The following RHBDL2 variants were observed in gnomAD, a reference collection of about 807,000 sequenced individuals.
RHBDL2 encodes rhomboid-related protein 2.
A neutral mutation model predicts 31.7 loss-of-function variants in RHBDL2; 26 were observed. That is an observed-to-expected ratio of 0.82 (90% CI 0.60 to 1.14). RHBDL2 has a LOEUF of 1.14. Among genes scored for constraint, RHBDL2 ranks in the 50% most tolerant of loss-of-function variants. The pLI is 0.00. For missense variants in RHBDL2, 336 were observed against 364.4 expected, an observed-to-expected ratio of 0.92 and a Z score of 0.63; for synonymous variants, 123 against 127.2, an observed-to-expected ratio of 0.97 and a Z score of 0.22.
At position 38,920,607 on chromosome 1, in the gene RHBDL2, C is replaced by CTTTTTTTTTTTTTTTTTT. The variant is rs547790628; in HGVS notation, c.-125-1271_-125-1270insAAAAAAAAAAAAAAAAAA. 1.2e-4 allele frequency among the ~76,000 whole-genome samples: 15 copies of CTTTTTTTTTTTTTTTTTT among 129,052 alleles called. No homozygotes were observed. In the East Asian group the frequency reaches 2.8e-3, roughly 24 times the overall value. The allele number at this position is 129,052 out of a possible 152,430, so 84.7% of individuals were successfully genotyped here. ...GTGAACATCCCTGTACAAGTTTTCT[C>CTTTTTTTTTTTTTTTTTT]TTTTTTTTTTTTTTTTTGAGACAGA... On this transcript the variant is annotated intron_variant, in intron 1 of 7. Coordinates refer to ENST00000372990, the MANE Select transcript of RHBDL2 (RefSeq NM_017821.5).
chr1:38,934,717 G>A (rs1424443237), intron 1 of RHBDL2, among the ~76,000 whole-genome samples: 1 of 150,406 alleles, frequency 6.6e-6, no homozygotes. Flanking sequence ...CAGCATTTTG[G>A]GGGGCCGAGG....
intron 1 of RHBDL2, chr1:38,929,455 C>A: frequency 7.8e-7 from 1 of 1,289,468 alleles, no homozygotes; most frequent in South Asian, 1.2e-5. Context: ...ATGACAACTC[C>A]TTTTCCATGG....
intron 4 of RHBDL2, 101 bp downstream of exon 4, chr1:38,911,221 T>C: frequency 1.4e-6 from 1 of 730,984 alleles, no homozygotes; most frequent in Non-Finnish European, 2.4e-6. Context: ...AGGAGTGCAG[T>C]AAACCTTGAC....
intron 3 of RHBDL2, among the ~76,000 whole-genome samples, chr1:38,912,195 T>C (rs1276396738): frequency 6.6e-6 from 1 of 152,098 alleles, no homozygotes; most frequent in Non-Finnish European, 1.5e-5. Context: ...GGCCTCAAAC[T>C]CCTGACCTCA....
chr1:38,893,336 T>C (rs1183655053), intron 5 of RHBDL2, 112 bp from the exon 6 acceptor site: 1 of 561,334 alleles, frequency 1.8e-6, no homozygotes, highest in East Asian at 2.9e-5. Flanking sequence ...GTATCAAATA[T>C]TTGCAAAACA....
rs553750928 is a variant in RHBDL2, at chr1:38,899,476, C to A, written c.509-3407G>T. 4.6e-5 allele frequency among the ~76,000 whole-genome samples: 7 copies of A among 152,286 alleles called. No individual in the cohort carries two copies. The East Asian group carries it at 9.7e-4, about 21-fold the overall frequency. On this transcript the variant is annotated intron_variant, in intron 4 of 7. Coordinates refer to ENST00000372990, the MANE Select transcript of RHBDL2 (RefSeq NM_017821.5). ...GGTGTTTGGTGAGCCCAAGAGTGCT[C>A]AGCCTTCACTGTCCTCCCTAACAGG...
Position 38,886,497 on chromosome 1 carries a change from G to T in RHBDL2, c.*7C>A. On this transcript the variant is annotated 3_prime_UTR_variant, in exon 8 of 8. Transcript: ENST00000372990. ...CTTTTTATTAATTGACTTACAATAG[G>T]GGCAGGTCAGTTTGCTGGAGATAGG... 3 of 1,549,748 alleles carry T rather than the reference G, an allele frequency of 1.9e-6. No homozygotes were observed. The highest frequency in any genetic ancestry group is 2.4e-5 in the South Asian group (2 of 81,886).
intron 5 of RHBDL2, among the ~76,000 whole-genome samples, chr1:38,893,791 T>G (rs1159309242): frequency 1.6e-4 from 25 of 151,888 alleles, no homozygotes; most frequent in Admixed American, 1.4e-3. Flanking sequence ...CAAGTTGGAG[T>G]GCAGTGGTGC....
chr1:38,896,931 T>G (rs1053188387), intron 4 of RHBDL2, among the ~76,000 whole-genome samples: 1 of 152,148 alleles, frequency 6.6e-6, no homozygotes, highest in African/African-American at 2.4e-5. Context: ...CTCAGTAATT[T>G]TACAAAGAGA....
chr1:38,915,745 C>T (rs1488488758), intron 2 of RHBDL2, 35 bp from the exon 3 acceptor site: 2 of 1,611,800 alleles, frequency 1.2e-6, no homozygotes, highest in African/African-American at 2.7e-5. Context: ...ATTAACCACA[C>T]CTTCTCCAGA....
intron 1 of RHBDL2, among the ~76,000 whole-genome samples, chr1:38,922,772 A>G (rs1643330655): frequency 6.6e-6 from 1 of 151,604 alleles, no homozygotes; most frequent in East Asian, 1.9e-4. Context: ...TTCTGAGGAA[A>G]TATTACCTAT....
At chr1:38,896,393 A>G (rs2124306977) in intron 4 of RHBDL2, among the ~76,000 whole-genome samples, 1 of 152,330 alleles carries the variant, frequency 6.6e-6, no homozygotes, top group South Asian at 2.1e-4. Flanking sequence ...AAATGGGGCT[A>G]TTAATAGAAC....
At chr1:38,920,207 A>G (rs1302660107) in intron 1 of RHBDL2, among the ~76,000 whole-genome samples, 1 of 116,114 alleles carries the variant, frequency 8.6e-6, no homozygotes, top group African/African-American at 3.5e-5. Flanking sequence ...TCGCTCTGTC[A>G]CCCAGGCTGG....
intron 2 of RHBDL2, among the ~76,000 whole-genome samples, chr1:38,916,718 A>T (rs1004335994): frequency 1.5e-4 from 23 of 151,692 alleles, no homozygotes; most frequent in African/African-American, 5.6e-4. Context: ...AACAAAAAAA[A>T]AAACTAGCCA....
At chr1:38,923,622 G>A (rs1374453834) in intron 1 of RHBDL2, among the ~76,000 whole-genome samples, 1 of 152,194 alleles carries the variant, frequency 6.6e-6, no homozygotes, top group Non-Finnish European at 1.5e-5. Flanking sequence ...ATTTTTGGAA[G>A]CCCAATTGAA....
intron 4 of RHBDL2, 77 bp from the exon 5 acceptor site, chr1:38,896,146 C>A: frequency 8.8e-7 from 1 of 1,139,130 alleles, no homozygotes; most frequent in South Asian, 1.4e-5. Context: ...CTAAGGTAGA[C>A]ATTTGGGAAG....
At chr1:38,920,410 C>G (rs958176719) in intron 1 of RHBDL2, among the ~76,000 whole-genome samples, 12 of 151,940 alleles carry the variant, frequency 7.9e-5, no homozygotes, top group African/African-American at 2.9e-4. Flanking sequence ...TCAAGTGATC[C>G]ACCTGCCTCG....
chr1:38,916,882 A>AC (rs1643244375), intron 2 of RHBDL2, among the ~76,000 whole-genome samples: 1 of 151,062 alleles, frequency 6.6e-6, no homozygotes, highest in Non-Finnish European at 1.5e-5. Context: ...AAAAAAAAAA[A>AC]AATACTATGG....
intron 3 of RHBDL2, among the ~76,000 whole-genome samples, chr1:38,913,037 C>T (rs1298024993): frequency 6.8e-6 from 1 of 146,300 alleles, no homozygotes; most frequent in African/African-American, 2.6e-5. Context: ...GGCTGGAGTG[C>T]GGTGGCGCGA....
Sources: allele counts gnomAD v4.1 joint callset (sites outside exome capture counted in the v4.1 genomes callset), GRCh38; gene constraint gnomAD v4.1.1; transcripts MANE v1.5; gene names NCBI Gene and HGNC (gene_info 2026-07-23, HGNC 2026-07-21).